Variants in CACHD1 observed in about 807,000 individuals in gnomAD.
CACHD1 encodes cache domain containing 1.
Under a neutral mutation model 138.7 loss-of-function variants are expected in CACHD1, and 71 were observed. The ratio of observed to expected loss-of-function variants is 0.51; its 90% CI spans 0.42 to 0.62. CACHD1 has a LOEUF of 0.62. CACHD1 is among the 20% of genes least tolerant of loss of function. CACHD1 has a pLI of 0.00. For missense variants in CACHD1, 1,389 were observed against 1,625.3 expected (o/e 0.85, Z 2.50); for synonymous variants, 578 against 591.5 (o/e 0.98, Z 0.33).
chr1:64,499,079 C>A (rs1331689786), intron 1 of CACHD1, among the ~76,000 whole-genome samples: 1 of 152,190 alleles, frequency 6.6e-6, no homozygotes, highest in Non-Finnish European at 1.5e-5. Context: ...GCGGCTCCAG[C>A]ATCTCGTATC....
chr1:64,546,549 G>C (rs1354192646), intron 1 of CACHD1, among the ~76,000 whole-genome samples: 1 of 151,932 alleles, frequency 6.6e-6, no homozygotes, highest in African/African-American at 2.4e-5. Context: ...TGGCCAGGCT[G>C]GTCTTGAACT....
intron 1 of CACHD1, among the ~76,000 whole-genome samples, chr1:64,501,493 G>T (rs1646339893): frequency 6.6e-6 from 1 of 152,174 alleles, no homozygotes; most frequent in Non-Finnish European, 1.5e-5. Context: ...ACTGATTTAT[G>T]CCTTTTTGTG....
intron 4 of CACHD1, among the ~76,000 whole-genome samples, chr1:64,624,865 A>G (rs1557525131): frequency 6.6e-6 from 1 of 152,214 alleles, no homozygotes; most frequent in African/African-American, 2.4e-5. Flanking sequence ...GGCTTTGGAA[A>G]TGCTTTAAGT....
intron 3 of CACHD1, among the ~76,000 whole-genome samples, chr1:64,593,290 A>C (rs926713555): frequency 2.0e-5 from 3 of 152,236 alleles, no homozygotes; most frequent in Non-Finnish European, 4.4e-5. Flanking sequence ...AGTTTTGTGT[A>C]GAATGATGTT....
chr1:64,495,320 A>G (rs1646299699), intron 1 of CACHD1, among the ~76,000 whole-genome samples: 1 of 152,220 alleles, frequency 6.6e-6, no homozygotes, highest in Admixed American at 6.5e-5. Flanking sequence ...ATAGAATGCT[A>G]AATTCCAGCC....
At chr1:64,624,529 C>T (rs941242916) in intron 4 of CACHD1, among the ~76,000 whole-genome samples, 1 of 152,204 alleles carries the variant, frequency 6.6e-6, no homozygotes, top group South Asian at 2.1e-4. Flanking sequence ...GCTTCAGACC[C>T]CAGGAGACTA....
rs146697412 is a variant in CACHD1 at position 64,635,984 on chromosome 1, G to A, written c.1006+1724G>A. On this transcript the variant is annotated intron_variant, in intron 7 of 26. Transcript: ENST00000651257. The stretch of plus-strand genomic sequence containing the variant: ...AATATAGCTGGACATGGTGGCACAC[G>A]CCTGTAATCCCAGCTACTCAGGAGG... Among the ~76,000 whole-genome samples the A allele has an allele frequency of 3.6e-3, 547 of 151,848 alleles. 1 individual carries two copies. The highest frequency in any genetic ancestry group is 0.013 in the African/African-American group (531 of 41,424).
At chr1:64,688,071 A>G (rs1329673187) in intron 26 of CACHD1, among the ~76,000 whole-genome samples, 1 of 151,854 alleles carries the variant, frequency 6.6e-6, no homozygotes, top group Non-Finnish European at 1.5e-5. Flanking sequence ...TTCCAACTGA[A>G]GCATGAGGCA....
intron 1 of CACHD1, among the ~76,000 whole-genome samples, chr1:64,514,990 G>A (rs1646448486): frequency 6.6e-6 from 1 of 152,154 alleles, no homozygotes; most frequent in African/African-American, 2.4e-5. Context: ...GAGACATCTT[G>A]ACTATGTGTA....
chr1:64,609,042 C>T (rs1399902709), intron 4 of CACHD1, among the ~76,000 whole-genome samples: 1 of 152,086 alleles, frequency 6.6e-6, no homozygotes, highest in Non-Finnish European at 1.5e-5. Flanking sequence ...GTGTAAGGGG[C>T]ATTTATAAGT....
In CACHD1 at chr1:64,632,625, C is replaced by T. The variant is rs186922821; in HGVS notation, c.671C>T (p.Pro224Leu). ...SRPIYVSTVR[P>L]QSKHIVVILD... Reference sequence around the variant, plus strand: ...CCCATCTACGTCTCTACAGTCCGGCCGCAGTCAAAGCACATAGTAGTGATT... The same window carrying T: ...CCCATCTACGTCTCTACAGTCCGGCTGCAGTCAAAGCACATAGTAGTGATT... Residue 224 changes from proline (P) to leucine (L), a missense_variant, in exon 6 of 27, where the codon CCG becomes CTG. Around this residue, in one of 5 missense-constraint regions of CACHD1, gnomAD observed 1,000 missense variants for 1,114.7 expected, o/e 0.90. Transcript: ENST00000651257. The T allele has an allele frequency of 4.5e-5, 73 of 1,613,990 alleles. No individual in the cohort carries two copies. Among genetic ancestry groups the T allele is most frequent in the Non-Finnish European group, 5.5e-5 (65 of 1,179,980 alleles).
intron 26 of CACHD1, among the ~76,000 whole-genome samples, chr1:64,685,920 G>A (rs532097380): frequency 8.5e-5 from 13 of 152,124 alleles, no homozygotes; most frequent in Admixed American, 4.6e-4. Flanking sequence ...TGATAGGCAC[G>A]GTGCTCAGGG....
chr1:64,652,391 T>C (rs1570453740), intron 10 of CACHD1, 81 bp downstream of exon 10: 4 of 1,279,048 alleles, frequency 3.1e-6, no homozygotes, highest in East Asian at 2.5e-5. Flanking sequence ...ACAAACAAAA[T>C]AGGAAAATGA....
At chr1:64,681,541 G>GTTTTTTTTTTTTTGTTTTTTTT (rs1650183057) in intron 25 of CACHD1, among the ~76,000 whole-genome samples, 1 of 68,132 alleles carries the variant, frequency 1.5e-5, no homozygotes, top group East Asian at 5.8e-4. Flanking sequence ...ATTTTATTGT[G>GTTTTTTTTTTTTTGTTTTTTTT]TTTTTTTTTT....
At chr1:64,686,552 G>A (rs1035646594) in intron 26 of CACHD1, among the ~76,000 whole-genome samples, 15 of 152,188 alleles carry the variant, frequency 9.9e-5, no homozygotes, top group African/African-American at 2.9e-4. Context: ...ACCCTCACAA[G>A]TGGAGGTTAG....
At chr1:64,622,567 A>G (rs1307117460) in intron 4 of CACHD1, among the ~76,000 whole-genome samples, 3 of 152,186 alleles carry the variant, frequency 2.0e-5, no homozygotes, top group Non-Finnish European at 4.4e-5. Flanking sequence ...TTATATATTT[A>G]TTCTGCCTCT....
intron 2 of CACHD1, among the ~76,000 whole-genome samples, chr1:64,551,502 C>T (rs1223641771): frequency 6.6e-6 from 1 of 152,120 alleles, no homozygotes; most frequent in East Asian, 1.9e-4. Context: ...GTTTGAAACT[C>T]AAGTAAAAAA....
At chr1:64,614,170 C>T (rs1193936520) in intron 4 of CACHD1, among the ~76,000 whole-genome samples, 1 of 152,252 alleles carries the variant, frequency 6.6e-6, no homozygotes. Flanking sequence ...TCACTAAGTA[C>T]TAGACCCCTG....
At chr1:64,599,775 G>A (rs768003539) in intron 3 of CACHD1, among the ~76,000 whole-genome samples, 3 of 152,058 alleles carry the variant, frequency 2.0e-5, no homozygotes, top group East Asian at 3.9e-4. Context: ...CTGGTCCCAC[G>A]AGCCAGCCTG....
Sources: allele counts gnomAD v4.1 joint callset (sites outside exome capture counted in the v4.1 genomes callset), GRCh38; gene constraint gnomAD v4.1.1; regional missense constraint gnomAD v4.1.1; transcripts MANE v1.5; gene names NCBI Gene and HGNC (gene_info 2026-07-23, HGNC 2026-07-21).